Variants in SLC61A1 observed in about 807,000 individuals in gnomAD.
SLC61A1 encodes solute carrier family 61 member 1.
chr12:53,253,557 G>A, the SLC61A1 span: 19 of 1,613,834 alleles, frequency 1.2e-5, no homozygotes, highest in South Asian at 6.6e-5. Context: ...GGAGGCCTGC[G>A]CTGCCTCCTG....
chr12:53,252,585 T>G, the SLC61A1 span: 761,853 of 1,318,110 alleles, frequency 0.58, 222,900 homozygotes, highest in East Asian at 0.81. Flanking sequence ...CAAGGATGGG[T>G]TGAGTGCCCA....
chr12:53,253,007 C>T, the SLC61A1 span: 38 of 1,614,102 alleles, frequency 2.4e-5, no homozygotes, highest in Non-Finnish European at 2.9e-5. Context: ...AGCTGATTGG[C>T]TTCAGGCCCC....
At chr12:53,252,761 C>T in the SLC61A1 span, 3 of 1,570,016 alleles carry the variant, frequency 1.9e-6, no homozygotes, top group Non-Finnish European at 2.6e-6. Flanking sequence ...TAAGACAGCC[C>T]CTTGACCGTG....
the SLC61A1 span, chr12:53,253,475 G>A: frequency 6.2e-7 from 1 of 1,614,116 alleles, no homozygotes; most frequent in Non-Finnish European, 8.5e-7. Flanking sequence ...CCTGGCTCTG[G>A]CAGGGGCCTT....
At chr12:53,252,196 C>T in the SLC61A1 span, 49 of 1,418,186 alleles carry the variant, frequency 3.5e-5, no homozygotes, top group Non-Finnish European at 4.5e-5. Flanking sequence ...GGAGCCGGAG[C>T]CACAGCGGGG....
chr12:53,252,946 C>T, the SLC61A1 span: 3 of 1,614,122 alleles, frequency 1.9e-6, no homozygotes, highest in East Asian at 2.2e-5. Context: ...GCAATCCCTC[C>T]TTCCTTCGGT....
chr12:53,253,802 G>T, the SLC61A1 span: 1 of 1,614,156 alleles, frequency 6.2e-7, no homozygotes. Flanking sequence ...GCTCATCGTC[G>T]TCTTCTCTCT....
At chr12:53,252,134 C>G in the SLC61A1 span, 40 of 1,439,790 alleles carry the variant, frequency 2.8e-5, no homozygotes, top group African/African-American at 4.5e-4. Flanking sequence ...GAGGCCTGCC[C>G]GGCTCCCGGA....
At chr12:53,251,539 T>A in the SLC61A1 span, 2 of 596,014 alleles carry the variant, frequency 3.4e-6, no homozygotes, top group Non-Finnish European at 5.8e-6. Context: ...AACTTTAGCC[T>A]TCTTTATTTG....
At chr12:53,253,420 G>C in the SLC61A1 span, 1 of 1,614,154 alleles carries the variant, frequency 6.2e-7, no homozygotes, top group Non-Finnish European at 8.5e-7. Flanking sequence ...TAGCCAGCTG[G>C]ATAGGGCTGG....
the SLC61A1 span, chr12:53,252,124 G>C: frequency 4.8e-6 from 7 of 1,445,466 alleles, 1 homozygote; most frequent in Admixed American, 8.4e-5. Flanking sequence ...GCGGCGGCCA[G>C]AGGCCTGCCC....
the SLC61A1 span, chr12:53,253,047 A>G: frequency 6.2e-7 from 1 of 1,614,068 alleles, no homozygotes; most frequent in African/African-American, 1.3e-5. Flanking sequence ...CAGCATTACT[A>G]CTTCCTGGAA....
At chr12:53,254,101 A>G in the SLC61A1 span, 1 of 1,614,154 alleles carries the variant, frequency 6.2e-7, no homozygotes, top group East Asian at 2.2e-5. Flanking sequence ...CTCTGCTGGC[A>G]GTGGTGGGAC....
chr12:53,252,287 G>A, the SLC61A1 span: 1 of 1,394,102 alleles, frequency 7.2e-7, no homozygotes, highest in Non-Finnish European at 9.2e-7. Flanking sequence ...GAGTCTGGGC[G>A]AGGTGCAAGT....
chr12:53,251,566 G>T, the SLC61A1 span: 1 of 674,514 alleles, frequency 1.5e-6, no homozygotes, highest in Non-Finnish European at 2.4e-6. Context: ...GCTATCCTGT[G>T]ACTTCAAAGA....
the SLC61A1 span, chr12:53,252,943 C>T: frequency 1.2e-6 from 2 of 1,614,228 alleles, no homozygotes; most frequent in South Asian, 1.1e-5. Context: ...GCAGCAATCC[C>T]TCCTTCCTTC....
chr12:53,252,599 C>T, the SLC61A1 span: 100 of 1,274,844 alleles, frequency 7.8e-5, no homozygotes, highest in Non-Finnish European at 1.0e-4. Context: ...GTGCCCAGTC[C>T]TCTCCCCTGT....
the SLC61A1 span, chr12:53,253,460 C>T: frequency 6.2e-7 from 1 of 1,614,108 alleles, no homozygotes; most frequent in Non-Finnish European, 8.5e-7. Flanking sequence ...GGCTGCCATC[C>T]CTCTCCTGGC....
chr12:53,253,571 G>A, the SLC61A1 span: 1 of 1,613,964 alleles, frequency 6.2e-7, no homozygotes, highest in Non-Finnish European at 8.5e-7. Flanking sequence ...CCTCCTGTCG[G>A]ACCGCCGCGT....
Sources: allele counts gnomAD v4.1 joint callset, GRCh38; gene constraint gnomAD v4.1.1; transcripts MANE v1.5; gene names NCBI Gene and HGNC (gene_info 2026-07-23, HGNC 2026-07-21).